GRM7: variants seen among roughly 807,000 people sequenced by gnomAD.
GRM7 encodes the protein glutamate metabotropic receptor 7.
A neutral mutation model predicts 84.5 loss-of-function variants in GRM7; 35 were observed. The observed-to-expected ratio is 0.41, with a 90% CI of 0.32 to 0.55. The LOEUF is 0.55. GRM7 is among the 20% of genes least tolerant of loss of function. The pLI is 0.19. For synonymous variants in GRM7, 487 were observed against 455.1 expected, an observed-to-expected ratio of 1.07 and a Z score of -0.89; for missense variants, 1,003 against 1,194.6, an observed-to-expected ratio of 0.84 and a Z score of 2.36.
intron 1 of GRM7, among the ~76,000 whole-genome samples, chr3:6,902,427 T>C (rs986868090): frequency 1.2e-4 from 18 of 152,160 alleles, no homozygotes; most frequent in African/African-American, 4.8e-5. Context: ...AATTTATAGA[T>C]TTTTAATGTT....
chr3:7,463,491 ATG>A (rs1698333490), intron 7 of GRM7, among the ~76,000 whole-genome samples: 1 of 152,154 alleles, frequency 6.6e-6, no homozygotes, highest in Non-Finnish European at 1.5e-5. Flanking sequence ...GCAAGAGTCA[ATG>A]TGTAGGTACA....
intron 4 of GRM7, among the ~76,000 whole-genome samples, chr3:7,372,033 T>C (rs188600487): frequency 2.8e-4 from 43 of 152,144 alleles, no homozygotes; most frequent in Non-Finnish European, 5.3e-4. Context: ...CAGCAGGGCC[T>C]GATAGGAGAG....
chr3:7,509,438 G>A (rs144387574), intron 7 of GRM7, among the ~76,000 whole-genome samples: 32 of 152,248 alleles, frequency 2.1e-4, no homozygotes, highest in East Asian at 7.7e-4. Context: ...ACTATCTGGC[G>A]TCTACTGGGG....
At chr3:7,664,946 T>C (rs1247307041) in intron 8 of GRM7, among the ~76,000 whole-genome samples, 1 of 152,146 alleles carries the variant, frequency 6.6e-6, no homozygotes, top group African/African-American at 2.4e-5. Context: ...CCTGTTCATG[T>C]TTCAGACAAT....
chr3:7,013,770 T>C (rs1333853166), intron 1 of GRM7, among the ~76,000 whole-genome samples: 1 of 151,998 alleles, frequency 6.6e-6, no homozygotes, highest in East Asian at 1.9e-4. Flanking sequence ...CTCTTACAAT[T>C]TTTTTTTAAT....
At chr3:7,447,727 C>CT (rs34044390) in intron 5 of GRM7, among the ~76,000 whole-genome samples, 101 of 148,482 alleles carry the variant, frequency 6.8e-4, no homozygotes, top group African/African-American at 1.9e-3. Context: ...CCAGCAAACT[C>CT]TTTTTTTTTT....
At chr3:7,453,006 G>C (rs1206707777) in intron 6 of GRM7, among the ~76,000 whole-genome samples, 199 bp downstream of exon 6, 1 of 149,974 alleles carries the variant, frequency 6.7e-6, no homozygotes, top group Non-Finnish European at 1.5e-5. Flanking sequence ...GTTATGGTTT[G>C]GTCTCATTTT....
chr3:7,550,896 C>T (rs1246563802), intron 7 of GRM7, among the ~76,000 whole-genome samples: 1 of 152,082 alleles, frequency 6.6e-6, no homozygotes, highest in Non-Finnish European at 1.5e-5. Flanking sequence ...CCCCACTCTC[C>T]TACTCAATAA....
chr3:6,970,627 C>G (rs1388978007), intron 1 of GRM7, among the ~76,000 whole-genome samples: 1 of 152,030 alleles, frequency 6.6e-6, no homozygotes, highest in Non-Finnish European at 1.5e-5. Context: ...TGTGTTAAGA[C>G]TTGACTGTAT....
chr3:7,309,332 AG>A (rs1201183525), intron 4 of GRM7, among the ~76,000 whole-genome samples: 1 of 152,236 alleles, frequency 6.6e-6, no homozygotes, highest in Non-Finnish European at 1.5e-5. Flanking sequence ...TAAATGGAGC[AG>A]AGCCTATGTG....
At chr3:7,297,328 C>T (rs911091758) in intron 2 of GRM7, among the ~76,000 whole-genome samples, 12 of 152,048 alleles carry the variant, frequency 7.9e-5, no homozygotes, top group African/African-American at 2.9e-4. Context: ...TTGATTTCTA[C>T]TTTGATTCTG....
chr3:7,660,849 G>A (rs979081986), intron 8 of GRM7, among the ~76,000 whole-genome samples: 1 of 137,194 alleles, frequency 7.3e-6, no homozygotes, highest in African/African-American at 2.5e-5. Flanking sequence ...CTTGGCAAAG[G>A]CAGAAGGGCA....
intron 1 of GRM7, among the ~76,000 whole-genome samples, chr3:7,106,633 G>C (rs1447412395): frequency 6.6e-6 from 1 of 152,036 alleles, no homozygotes; most frequent in South Asian, 2.1e-4. Flanking sequence ...GCTACAATTG[G>C]ACTAATTTGG....
At chr3:7,298,307 T>C (rs1422441322) in intron 2 of GRM7, among the ~76,000 whole-genome samples, 1 of 152,104 alleles carries the variant, frequency 6.6e-6, no homozygotes, top group East Asian at 1.9e-4. Context: ...CCTGTTCAAG[T>C]TTCTTTATTG....
intron 7 of GRM7, among the ~76,000 whole-genome samples, chr3:7,495,946 G>GA (rs1559361770): frequency 6.6e-6 from 1 of 152,114 alleles, no homozygotes; most frequent in Non-Finnish European, 1.5e-5. Flanking sequence ...GAAGACCTGA[G>GA]AAAAATGGGT....
chr3:7,615,228 A>G, intron 8 of GRM7, among the ~76,000 whole-genome samples: 1 of 151,810 alleles, frequency 6.6e-6, no homozygotes, highest in East Asian at 1.9e-4. Flanking sequence ...CACTTTTTAA[A>G]TCTGTGTGTC....
chr3:7,050,879 T>C (rs542716535), intron 1 of GRM7, among the ~76,000 whole-genome samples: 107 of 151,994 alleles, frequency 7.0e-4, no homozygotes, highest in African/African-American at 2.5e-3. Flanking sequence ...ACCAATTAGA[T>C]GCCAGTTGAA....
chr3:7,271,041 T>G, intron 2 of GRM7, among the ~76,000 whole-genome samples: 1 of 152,154 alleles, frequency 6.6e-6, no homozygotes, highest in East Asian at 1.9e-4. Flanking sequence ...TTGAAACTTC[T>G]AAGACGACAC....
At position 6,922,341 on chromosome 3, in the gene GRM7, GA is replaced by G. The variant is rs539634225; in HGVS notation, c.519+60436del. Among the ~76,000 whole-genome samples the G allele has an allele frequency of 3.6e-3, 548 of 152,274 alleles. 4 individuals are homozygous for G. Among genetic ancestry groups the G allele is most frequent in the African/African-American group, 0.012 (515 of 41,568 alleles). On this transcript the variant is annotated intron_variant, in intron 1 of 9. Transcript: ENST00000357716. ...CCGAAGATAGTCACTTTTTTTAAGTGAAGTCTTCTAGCTTTTTCGTGGTCAT... is the reference window on the plus strand; with the variant it reads ...CCGAAGATAGTCACTTTTTTTAAGTGAGTCTTCTAGCTTTTTCGTGGTCAT...
Sources: gnomAD v4.1 joint callset for allele counts (sites outside exome capture counted in the v4.1 genomes callset) on GRCh38, gnomAD v4.1.1 for gene constraint, MANE v1.5 for transcripts, NCBI Gene and HGNC (gene_info 2026-07-23, HGNC 2026-07-21) for gene names.